Variants in ZC3H7A observed in about 807,000 individuals in gnomAD.
The protein encoded by ZC3H7A is zinc finger CCCH-type containing 7A, also known as zinc finger CCCH domain-containing protein 7A.
In ZC3H7A, 44 loss-of-function variants were observed where a neutral mutation model predicts 125.5. The ratio of observed to expected loss-of-function variants is 0.35; its 90% CI spans 0.28 to 0.45. ZC3H7A has a LOEUF of 0.45. Among genes scored for constraint, ZC3H7A ranks in the 20% least tolerant of loss-of-function variants. The pLI is 1.00. For synonymous variants in ZC3H7A, 399 were observed against 391.2 expected (o/e 1.02, Z -0.23); for missense variants, 977 against 1,170.7 (o/e 0.83, Z 2.41).
chr16:11,790,879 A>G (rs572746214), intron 1 of ZC3H7A, among the ~76,000 whole-genome samples: 193 of 151,774 alleles, frequency 1.3e-3, no homozygotes, highest in Non-Finnish European at 1.8e-3. Flanking sequence ...CTGCCTCAAA[A>G]ATAAATAGAT....
intron 1 of ZC3H7A, among the ~76,000 whole-genome samples, chr16:11,793,446 T>C (rs932943999): frequency 2.0e-5 from 3 of 151,692 alleles, no homozygotes; most frequent in Non-Finnish European, 2.9e-5. Context: ...GGCAGAAGGA[T>C]TGCTTGAGGC....
chr16:11,759,303 T>C (rs1282438155), intron 19 of ZC3H7A: 1 of 152,220 alleles, frequency 6.6e-6, no homozygotes, highest in African/African-American at 2.4e-5. Flanking sequence ...GTACAACTAA[T>C]TATTAGCTTA....
chr16:11,760,868 C>T (rs577319719), intron 19 of ZC3H7A, among the ~76,000 whole-genome samples: 56 of 152,330 alleles, frequency 3.7e-4, no homozygotes, highest in African/African-American at 1.3e-3. Context: ...ACTGTCCTAA[C>T]TTTAAGTTAG....
chr16:11,761,849 A>G (rs2052757847), intron 18 of ZC3H7A, 61 bp downstream of exon 18: 2 of 1,595,496 alleles, frequency 1.3e-6, no homozygotes, highest in Admixed American at 3.7e-5. Context: ...TATGTGTATA[A>G]TTTTATACCT....
chr16:11,787,952 A>G (rs1019738169), intron 1 of ZC3H7A, among the ~76,000 whole-genome samples: 2 of 145,492 alleles, frequency 1.4e-5, no homozygotes, highest in African/African-American at 2.5e-5. Flanking sequence ...GTTTCCAAAG[A>G]AAAAAAAAAA....
intron 3 of ZC3H7A, among the ~76,000 whole-genome samples, chr16:11,779,596 G>A (rs2141206279): frequency 6.6e-6 from 1 of 152,312 alleles, no homozygotes; most frequent in East Asian, 1.9e-4. Context: ...ATGCAGCAAA[G>A]TACCTTATAA....
rs1220395778 is a variant in ZC3H7A, at chr16:11,765,651, G to T, written c.1557C>A (p.Gly519=). 6.2e-7 allele frequency: 1 copy of T among 1,613,734 alleles called. No individual in the cohort carries two copies. The change falls in exon 14 of 23, where the codon GGC becomes GGA. Residue 519 remains glycine, a synonymous_variant. Transcript: ENST00000355758. The surrounding 1 kb of genome is among the most constrained non-coding windows in gnomAD (Gnocchi z 4.8). The part of the protein sequence containing the change: ...VAAEEECRYS[G]HCTFAYCQEE... ...CTTGGCAATAAGCAAACGTGCAGTG[G>T]CCTGAATATCTACATTCCTCCTCAG...
In ZC3H7A at chr16:11,770,912, C is replaced by T; in HGVS notation, c.979G>A (p.Gly327Arg). The change falls in exon 10 of 23, where the codon GGA (glycine) becomes AGA (arginine). Residue 327 changes from glycine to arginine, a missense_variant. By Grantham distance (125) the Gly-to-Arg change is moderately radical. Around this residue, in one of 3 missense-constraint regions of ZC3H7A, gnomAD observed 342 missense variants for 311.3 expected, o/e 1.10. Coordinates refer to ENST00000355758, the MANE Select transcript of ZC3H7A (RefSeq NM_014153.4). ...TACCTCGCACCAATGGGTAAGGTTC[C>T]TAACAGCGATGCCGAAAAGGGCATG... The part of the protein sequence containing the change: ...PSMPFSASLL[G>R]TLPIGARYAP... 1 of 1,614,058 alleles carries T rather than the reference C, an allele frequency of 6.2e-7. No individual in the cohort carries two copies. Among genetic ancestry groups the T allele is most frequent in the African/African-American group, 1.3e-5 (1 of 75,024 alleles).
At chr16:11,758,067 GT>G (rs2052683599) in intron 20 of ZC3H7A, among the ~76,000 whole-genome samples, 1 of 152,100 alleles carries the variant, frequency 6.6e-6, no homozygotes, top group African/African-American at 2.4e-5. Context: ...TTCTAACCTG[GT>G]TAATTCAGAG....
chr16:11,778,771 T>C (rs1464692711), intron 4 of ZC3H7A, among the ~76,000 whole-genome samples: 1 of 152,176 alleles, frequency 6.6e-6, no homozygotes, highest in Non-Finnish European at 1.5e-5. Flanking sequence ...TGGAGTGCAG[T>C]GGCACAATCT....
At chr16:11,776,192 G>C (rs2053077341) in intron 7 of ZC3H7A, 128 bp downstream of exon 7, 2 of 869,308 alleles carry the variant, frequency 2.3e-6, no homozygotes, top group African/African-American at 1.7e-5. Context: ...GGAGGGTATT[G>C]CCAATTACGT....
intron 3 of ZC3H7A, among the ~76,000 whole-genome samples, chr16:11,781,090 A>G (rs2053166371): frequency 6.6e-6 from 1 of 152,148 alleles, no homozygotes; most frequent in Non-Finnish European, 1.5e-5. Flanking sequence ...GCAAAAAAAG[A>G]AAAAGAAAAA....
chr16:11,751,331 T>C lies in ZC3H7A; in HGVS notation c.2902A>G (p.Lys968Glu). ...AAGCCAGCATATTAGTTTAAATCTT[T>C]AAACAAAAAACTATATTTTCCAAAG... ...NDFGKYSFLF[K>E]DLN The change falls in exon 23 of 23, where the codon AAA (lysine) becomes GAA (glutamate). Residue 968 changes from lysine to glutamate, a missense_variant. Physicochemically the swap from Lys to Glu is moderately conservative, Grantham distance 56. This residue lies in a region of ZC3H7A where 436 missense variants were observed against 603.2 expected (regional missense o/e 0.72). Coordinates refer to ENST00000355758, the MANE Select transcript of ZC3H7A (RefSeq NM_014153.4). The C allele has an allele frequency of 6.2e-7, 1 of 1,612,188 alleles. No homozygotes were observed. Among genetic ancestry groups the C allele is most frequent in the South Asian group, 1.1e-5 (1 of 90,608 alleles).
chr16:11,774,506 T>A lies in ZC3H7A; in HGVS notation c.633A>T (p.Pro211=). 1.3e-6 allele frequency: 2 copies of A among 1,542,408 alleles called. No homozygotes were observed. Among genetic ancestry groups the A allele is most frequent in the Non-Finnish European group, 1.7e-6 (2 of 1,143,828 alleles). Residue 211 remains proline, a synonymous_variant, in exon 9 of 23, where the codon CCA becomes CCT. Transcript: ENST00000355758. ...AGACAACAGGAACTGCTTCTTGCCT[T>A]GGAGTTAATAAATCTGTAACACAGA... ...VEDIEPDLLT[P]RQEAVPVVSL...
intron 10 of ZC3H7A, 106 bp downstream of exon 10, chr16:11,770,677 T>C (rs2052963960): frequency 1.9e-6 from 2 of 1,069,916 alleles, no homozygotes; most frequent in East Asian, 2.6e-5. Flanking sequence ...ACAAAGAAAA[T>C]AATTCACATG....
intron 1 of ZC3H7A, among the ~76,000 whole-genome samples, chr16:11,784,732 T>C (rs2053228595): frequency 6.6e-6 from 1 of 151,838 alleles, no homozygotes; most frequent in Non-Finnish European, 1.5e-5. Flanking sequence ...TGCATGCCTG[T>C]AATCCCAGCT....
At chr16:11,760,481 C>G (rs983422222) in intron 19 of ZC3H7A, among the ~76,000 whole-genome samples, 2 of 152,196 alleles carry the variant, frequency 1.3e-5, no homozygotes, top group Admixed American at 6.5e-5. Flanking sequence ...GGCTGTGTTA[C>G]TTGTGTAAGT....
intron 19 of ZC3H7A, among the ~76,000 whole-genome samples, chr16:11,760,122 G>GAAAAAAACA (rs2052722477): frequency 1.2e-5 from 1 of 82,532 alleles, no homozygotes. Context: ...AAGAAAAAAT[G>GAAAAAAACA]AAAAAAAAAA....
At chr16:11,767,377 C>G (rs2052878396) in intron 13 of ZC3H7A, 40 bp downstream of exon 13, 1 of 1,396,726 alleles carries the variant, frequency 7.2e-7, no homozygotes, top group Non-Finnish European at 9.8e-7. Context: ...TAGTTCATCA[C>G]TTATGTAATG....
Sources: gnomAD v4.1 joint callset for allele counts (sites outside exome capture counted in the v4.1 genomes callset) on GRCh38, gnomAD v4.1.1 for gene constraint, gnomAD v4.1.1 regional missense constraint, Gnocchi (gnomAD v3.1) non-coding constraint, MANE v1.5 for transcripts, NCBI Gene and HGNC (gene_info 2026-07-23, HGNC 2026-07-21) for gene names.